The following UBTD1 variants were observed in gnomAD, a reference collection of about 807,000 sequenced individuals.
The protein encoded by UBTD1 is ubiquitin domain-containing protein 1.
UBTD1 carries 19 observed loss-of-function variants against 21.7 expected under a neutral mutation model. The ratio of observed to expected loss-of-function variants is 0.87; its 90% CI spans 0.61 to 1.28. UBTD1 has a LOEUF of 1.28. Among genes scored for constraint, UBTD1 ranks in the 50% most tolerant of loss-of-function variants. The pLI, the probability that UBTD1 is intolerant of heterozygous loss-of-function variation, is 0.00. For synonymous variants in UBTD1, 116 were observed against 135.1 expected, an observed-to-expected ratio of 0.86 and a Z score of 0.98; for missense variants, 282 against 315.1, an observed-to-expected ratio of 0.89 and a Z score of 0.80.
intron 2 of UBTD1, among the ~76,000 whole-genome samples, chr10:97,569,679 G>A (rs1162031677): frequency 2.0e-5 from 3 of 152,148 alleles, no homozygotes; most frequent in Non-Finnish European, 4.4e-5. Flanking sequence ...GGTGCTGGCT[G>A]GTTCAGGTTT....
chr10:97,552,514 A>G (rs1355087601), intron 1 of UBTD1, among the ~76,000 whole-genome samples: 1 of 149,944 alleles, frequency 6.7e-6, no homozygotes, highest in South Asian at 2.1e-4. Flanking sequence ...TCCTGCCTCA[A>G]GCTCCCAAGT....
At position 97,570,145 on chromosome 10, in the gene UBTD1, C is replaced by A; in HGVS notation, c.306C>A (p.Leu102=). ...GCCCTGCCTCTCCTACAGGCACCCT[C>A]TGTGAATGCTACGATGAGCTGGGCA... ...GASITLPHGT[L]CECYDELGNR... is the part of the protein sequence containing the mutation. Residue 102 remains leucine (L), a synonymous_variant, in exon 3 of 3, where the codon CTC becomes CTA. Transcript: ENST00000370664. This position sits in a 1 kb window ranked among gnomAD's most constrained non-coding sequence, Gnocchi z 6.6. The A allele has an allele frequency of 6.2e-7, 1 of 1,604,572 alleles. No homozygotes were observed. The highest frequency in any genetic ancestry group is 8.5e-7 in the Non-Finnish European group (1 of 1,173,398).
intron 1 of UBTD1, among the ~76,000 whole-genome samples, chr10:97,522,516 G>A (rs2040470676): frequency 6.6e-6 from 1 of 152,196 alleles, no homozygotes; most frequent in South Asian, 2.1e-4. Context: ...CTTACAGAGT[G>A]GTGAAGATCG....
intron 1 of UBTD1, among the ~76,000 whole-genome samples, chr10:97,516,025 G>T (rs2040442745): frequency 6.6e-6 from 1 of 152,242 alleles, no homozygotes; most frequent in Admixed American, 6.5e-5. Flanking sequence ...CACATAAGGA[G>T]ACAATGAAAG....
chr10:97,505,812 G>T (rs2040396446), intron 1 of UBTD1, among the ~76,000 whole-genome samples: 1 of 152,220 alleles, frequency 6.6e-6, no homozygotes, highest in South Asian at 2.1e-4. Context: ...ATCTTAGAAA[G>T]TTTCTATTAT....
chr10:97,563,011 T>G (rs2040700190), intron 1 of UBTD1, among the ~76,000 whole-genome samples: 1 of 152,136 alleles, frequency 6.6e-6, no homozygotes, highest in Non-Finnish European at 1.5e-5. Flanking sequence ...TGGGAGAGAT[T>G]AAACTGAAGA....
chr10:97,549,800 A>C (rs1276775325), intron 1 of UBTD1, among the ~76,000 whole-genome samples: 1 of 152,254 alleles, frequency 6.6e-6, no homozygotes, highest in African/African-American at 2.4e-5. Context: ...CCAGCTGACC[A>C]GAGCTGGGCC....
chr10:97,544,047 C>T lies in UBTD1; in HGVS notation c.71-23867C>T, dbSNP rs184943717. Among the ~76,000 whole-genome samples the T allele has an allele frequency of 1.2e-3, 185 of 152,042 alleles. 1 individual carries two copies. Among genetic ancestry groups the T allele is most frequent in the Non-Finnish European group, 2.3e-3 (156 of 67,982 alleles). On this transcript the variant is annotated intron_variant, in intron 1 of 2. Transcript: ENST00000370664. ...CTGTAATCCGAGCACTTTGAGAAGC[C>T]GAGGCAGGCAGATCACCTGAGGTCA... is the stretch of plus-strand genomic sequence containing the variant.
intron 1 of UBTD1, among the ~76,000 whole-genome samples, chr10:97,563,294 G>A (rs2040701799): frequency 6.6e-6 from 1 of 152,168 alleles, no homozygotes; most frequent in Admixed American, 6.5e-5. Flanking sequence ...TTTTTATGTT[G>A]TCATATACCA....
At chr10:97,500,421 G>A (rs1046784535) in intron 1 of UBTD1, among the ~76,000 whole-genome samples, 1 of 152,218 alleles carries the variant, frequency 6.6e-6, no homozygotes, top group Non-Finnish European at 1.5e-5. Context: ...GACTTGTGGA[G>A]GCAGAAATGT....
chr10:97,552,689 C>T lies in UBTD1; in HGVS notation c.71-15225C>T, dbSNP rs538097210. Among the ~76,000 whole-genome samples the T allele has an allele frequency of 1.8e-4, 28 of 152,264 alleles. No homozygotes were observed. The South Asian group carries it at 5.6e-3, about 30-fold the overall frequency. ...AAGTTCTGGGATTACAGGGGTGAACCACCACACCTGGCCAATACATACTTT... is the reference window on the plus strand; with the variant it reads ...AAGTTCTGGGATTACAGGGGTGAACTACCACACCTGGCCAATACATACTTT... On this transcript the variant is annotated intron_variant, in intron 1 of 2. Coordinates refer to ENST00000370664, the MANE Select transcript of UBTD1 (RefSeq NM_024954.5).
rs1389862947 is a variant in UBTD1, at chr10:97,567,847, AG to A, written c.71-62del. On this transcript the variant is annotated intron_variant, in intron 1 of 2. Transcript: ENST00000370664. The stretch of plus-strand genomic sequence containing the variant: ...GGGTCTGGCCTGGGGAGGGGAGGGG[AG>A]GGGGAGGGCAGGTTGCAGCTCAAGT... 2.1e-6 allele frequency: 3 copies of A among 1,416,572 alleles called. No individual in the cohort carries two copies. The East Asian group carries it at 7.7e-5, about 36-fold the overall frequency. The allele number at this position is 1,416,572 out of a possible 1,614,324, so 87.8% of individuals were successfully genotyped here. A position where few individuals can be genotyped will look rare whatever the true frequency, so the allele number is the denominator to read the frequency against.
At chr10:97,519,640 A>C (rs1405781712) in intron 1 of UBTD1, among the ~76,000 whole-genome samples, 1 of 152,220 alleles carries the variant, frequency 6.6e-6, no homozygotes, top group African/African-American at 2.4e-5. Context: ...TCAGGATCAT[A>C]ATCTCATTTT....
intron 1 of UBTD1, among the ~76,000 whole-genome samples, chr10:97,539,278 C>G (rs2040576864): frequency 6.6e-6 from 1 of 152,166 alleles, no homozygotes; most frequent in Non-Finnish European, 1.5e-5. Context: ...AGGCTTCTTT[C>G]AAAGCCTTTC....
Position 97,498,946 on chromosome 10 carries a change from T to C in UBTD1, c.-258T>C. The C allele has an allele frequency of 2.3e-6, 1 of 433,374 alleles. No homozygotes were observed. Among genetic ancestry groups the C allele is most frequent in the Non-Finnish European group, 4.1e-6 (1 of 246,128 alleles). 26.8% of individuals were successfully genotyped at this position (433,374 alleles called of 1,614,324 possible). On this transcript the variant is annotated 5_prime_UTR_variant, in exon 1 of 3. Transcript: ENST00000370664. ...CCTCTCTCCGCCCCTCCAGCGGAGC[T>C]GGTCTCCGGCCGGGCACCGTCGCGG... is the stretch of plus-strand genomic sequence containing the variant.
At chr10:97,566,473 G>T (rs2040717511) in intron 1 of UBTD1, among the ~76,000 whole-genome samples, 1 of 152,100 alleles carries the variant, frequency 6.6e-6, no homozygotes, top group Non-Finnish European at 1.5e-5. Flanking sequence ...GAATTCAGAT[G>T]GTGAACTACA....
chr10:97,530,858 A>T (rs2040525833), intron 1 of UBTD1, among the ~76,000 whole-genome samples: 1 of 151,684 alleles, frequency 6.6e-6, no homozygotes, highest in Non-Finnish European at 1.5e-5. Flanking sequence ...TTTATTATAT[A>T]ATTTTTATTT....
Position 97,505,773 on chromosome 10 carries a change from T to G in UBTD1, c.70+6500T>G, listed in dbSNP as rs943291856. Among the ~76,000 whole-genome samples the G allele has an allele frequency of 3.3e-5, 5 of 152,190 alleles. No homozygotes were observed. In the East Asian group the frequency reaches 9.6e-4, roughly 29 times the overall value. Reference sequence around the variant, plus strand: ...TTTCAGAGAGGTTGTAAGATTAAAGTGAGACCCTGGATGAAAAGAGATTTT... The same window carrying G: ...TTTCAGAGAGGTTGTAAGATTAAAGGGAGACCCTGGATGAAAAGAGATTTT... On this transcript the variant is annotated intron_variant, in intron 1 of 2. Coordinates refer to ENST00000370664, the MANE Select transcript of UBTD1 (RefSeq NM_024954.5).
At chr10:97,527,524 G>T (rs1366856492) in intron 1 of UBTD1, among the ~76,000 whole-genome samples, 2 of 151,684 alleles carry the variant, frequency 1.3e-5, no homozygotes, top group Non-Finnish European at 1.5e-5. Context: ...TCTCGCAGAG[G>T]GGGATTTGGC....
Sources: allele counts gnomAD v4.1 joint callset (sites outside exome capture counted in the v4.1 genomes callset), GRCh38; gene constraint gnomAD v4.1.1; non-coding constraint Gnocchi (gnomAD v3.1); transcripts MANE v1.5; gene names NCBI Gene and HGNC (gene_info 2026-07-23, HGNC 2026-07-21).